WWOX: variants seen among roughly 807,000 people sequenced by gnomAD.
The protein encoded by WWOX is WW domain containing oxidoreductase, also known as WW domain-containing oxidoreductase.
A neutral mutation model predicts 46.2 loss-of-function variants in WWOX; 69 were observed. That is an observed-to-expected ratio of 1.49 (90% CI 1.23 to 1.82). The LOEUF (loss-of-function observed/expected upper bound fraction) is 1.82, where lower values mean the gene tolerates loss of function less well. Among genes scored for constraint, WWOX ranks in the 40% most tolerant of loss-of-function variants. The pLI is 0.00. For missense variants in WWOX, 919 were observed against 542.6 expected (o/e 1.69, Z -6.89); for synonymous variants, 359 against 202.6 (o/e 1.77, Z -6.56).
At chr16:78,480,169 C>T (rs1377680808) in intron 8 of WWOX, among the ~76,000 whole-genome samples, 1 of 152,146 alleles carries the variant, frequency 6.6e-6, no homozygotes, top group South Asian at 2.1e-4. Context: ...ATTAAAAGTT[C>T]AATTGCTCTG....
intron 8 of WWOX, among the ~76,000 whole-genome samples, chr16:78,952,130 T>C (rs1256829869): frequency 1.3e-5 from 2 of 151,988 alleles, no homozygotes; most frequent in African/African-American, 4.8e-5. Flanking sequence ...TTTCTCACTG[T>C]TATCATTGTA....
chr16:78,746,853 G>A (rs915955583), intron 8 of WWOX, among the ~76,000 whole-genome samples: 1 of 152,090 alleles, frequency 6.6e-6, no homozygotes, highest in East Asian at 1.9e-4. Context: ...ATTTGATCTT[G>A]TGAACCCTTG....
chr16:79,166,827 G>A (rs1406807956), intron 8 of WWOX, among the ~76,000 whole-genome samples: 2 of 152,114 alleles, frequency 1.3e-5, no homozygotes, highest in African/African-American at 4.8e-5. Flanking sequence ...AAGACCAGTT[G>A]AACAAATAAA....
At chr16:78,261,835 T>C (rs1597416244) in intron 5 of WWOX, among the ~76,000 whole-genome samples, 1 of 146,640 alleles carries the variant, frequency 6.8e-6, no homozygotes, top group Non-Finnish European at 1.5e-5. Context: ...ATGTGGTGGG[T>C]TCTCGAATCA....
rs188010088 is a variant in WWOX at position 78,889,357 on chromosome 16, G to A, written c.1057-322251G>A. ...GATCTTTGTCCCTCCCCCACCCCCC[G>A]CCCCGATTTATACTATGGATCAGCA... is the stretch of plus-strand genomic sequence containing the variant. On this transcript the variant is annotated intron_variant, in intron 8 of 8. Transcript: ENST00000566780. Among the ~76,000 whole-genome samples, 217 of 97,782 alleles carry A rather than the reference G, an allele frequency of 2.2e-3. 2 individuals are homozygous for A. The highest frequency in any genetic ancestry group is 8.5e-3 in the African/African-American group (195 of 23,002). 64.1% of individuals were successfully genotyped at this position (97,782 alleles called of 152,430 possible). A position where few individuals can be genotyped will look rare whatever the true frequency, so the allele number is the denominator to read the frequency against.
intron 5 of WWOX, among the ~76,000 whole-genome samples, chr16:78,209,772 T>A (rs907121299): frequency 6.6e-6 from 1 of 151,918 alleles, no homozygotes; most frequent in Non-Finnish European, 1.5e-5. Flanking sequence ...TGAATAATCA[T>A]GTACAAATAT....
intron 8 of WWOX, among the ~76,000 whole-genome samples, chr16:78,740,464 C>T (rs759950505): frequency 1.9e-4 from 29 of 152,182 alleles, no homozygotes; most frequent in Non-Finnish European, 3.4e-4. Flanking sequence ...GGAGGGAAGG[C>T]AGCCTTGGAA....
intron 8 of WWOX, among the ~76,000 whole-genome samples, chr16:78,479,013 C>A (rs1050680978): frequency 6.6e-5 from 10 of 151,982 alleles, no homozygotes; most frequent in African/African-American, 2.4e-4. Flanking sequence ...GGCATATTGC[C>A]ATGACTGTAG....
At chr16:78,628,829 C>A (rs1426296213) in intron 8 of WWOX, among the ~76,000 whole-genome samples, 2 of 152,180 alleles carry the variant, frequency 1.3e-5, no homozygotes, top group African/African-American at 2.4e-5. Flanking sequence ...CGCTTCCCTT[C>A]CAGCTGGTTT....
intron 8 of WWOX, among the ~76,000 whole-genome samples, chr16:78,793,026 C>A (rs1257304529): frequency 6.6e-6 from 1 of 152,142 alleles, no homozygotes; most frequent in Non-Finnish European, 1.5e-5. Context: ...TTTCCTTGCC[C>A]CCGCTGCCCC....
chr16:79,035,326 C>T (rs761702156), intron 8 of WWOX, among the ~76,000 whole-genome samples: 1 of 152,102 alleles, frequency 6.6e-6, no homozygotes, highest in Non-Finnish European at 1.5e-5. Flanking sequence ...GAGGCAAATC[C>T]AGGGGAGTTC....
intron 8 of WWOX, among the ~76,000 whole-genome samples, chr16:79,006,903 A>G (rs2047202005): frequency 1.3e-5 from 2 of 152,164 alleles, no homozygotes; most frequent in Admixed American, 6.5e-5. Flanking sequence ...TTTTGCACCC[A>G]CTGGATGACC....
At chr16:79,173,898 A>G (rs1357748037) in intron 8 of WWOX, among the ~76,000 whole-genome samples, 2 of 152,210 alleles carry the variant, frequency 1.3e-5, no homozygotes, top group African/African-American at 2.4e-5. Flanking sequence ...TATTATCTAC[A>G]TAGATACTTT....
intron 8 of WWOX, among the ~76,000 whole-genome samples, chr16:78,654,315 TATAAA>T (rs1488640990): frequency 6.6e-6 from 1 of 152,192 alleles, no homozygotes; most frequent in East Asian, 1.9e-4. Context: ...TTTGTAAAAA[TATAAA>T]ATAATCTTAC....
intron 8 of WWOX, among the ~76,000 whole-genome samples, chr16:78,539,385 G>A (rs1438992317): frequency 6.6e-6 from 1 of 152,224 alleles, no homozygotes; most frequent in Non-Finnish European, 1.5e-5. Context: ...AGGAGCCATT[G>A]TTGTAGCCTT....
chr16:78,819,948 A>G (rs2051446949), intron 8 of WWOX, among the ~76,000 whole-genome samples: 1 of 152,204 alleles, frequency 6.6e-6, no homozygotes, highest in Admixed American at 6.5e-5. Context: ...TCACTCATCT[A>G]TTCATTAATT....
chr16:78,841,399 G>T (rs545684457), intron 8 of WWOX, among the ~76,000 whole-genome samples: 2 of 152,288 alleles, frequency 1.3e-5, no homozygotes, highest in South Asian at 2.1e-4. Context: ...AGCAGATTTT[G>T]CCTGTTTCTT....
intron 8 of WWOX, among the ~76,000 whole-genome samples, chr16:78,939,157 A>G (rs574141287): frequency 1.9e-3 from 287 of 152,292 alleles, no homozygotes; most frequent in Non-Finnish European, 2.8e-3. Flanking sequence ...CCATGTTGCT[A>G]TTACAGATGC....
chr16:78,581,027 A>G (rs909188779), intron 8 of WWOX, among the ~76,000 whole-genome samples: 3 of 152,244 alleles, frequency 2.0e-5, no homozygotes, highest in Admixed American at 6.5e-5. Context: ...GACTTTAATC[A>G]TATGAAAATC....
Sources: allele counts gnomAD v4.1 joint callset (sites outside exome capture counted in the v4.1 genomes callset), GRCh38; gene constraint gnomAD v4.1.1; transcripts MANE v1.5; gene names NCBI Gene and HGNC (gene_info 2026-07-23, HGNC 2026-07-21).